Variants in HDAC9 observed in about 807,000 individuals in gnomAD.
The protein encoded by HDAC9 is histone deacetylase 9.
Under a neutral mutation model 139.4 loss-of-function variants are expected in HDAC9, and 41 were observed. The observed-to-expected ratio is 0.29, with a 90% confidence interval of 0.23 to 0.38. HDAC9 has a LOEUF of 0.38. HDAC9 is among the 10% of genes least tolerant of loss of function. The probability of loss-of-function intolerance (pLI) is 1.00; values close to 1 mark genes in which losing one functional copy is unlikely to be tolerated. For synonymous variants in HDAC9, 517 were observed against 476.2 expected, an observed-to-expected ratio of 1.09 and a Z score of -1.12; for missense variants, 1,147 against 1,297.0, an observed-to-expected ratio of 0.88 and a Z score of 1.78.
chr7:18,244,345 A>G (rs1311606002), intron 2 of HDAC9, among the ~76,000 whole-genome samples: 1 of 152,234 alleles, frequency 6.6e-6, no homozygotes, highest in Non-Finnish European at 1.5e-5. Flanking sequence ...CTAGAAAAGT[A>G]TTAAACTACT....
chr7:18,246,831 G>A (rs749014536), intron 2 of HDAC9, among the ~76,000 whole-genome samples: 4 of 152,152 alleles, frequency 2.6e-5, no homozygotes, highest in African/African-American at 9.7e-5. Flanking sequence ...GGTTATCAGT[G>A]TAATCCAGGT....
intron 2 of HDAC9, among the ~76,000 whole-genome samples, chr7:18,549,842 T>G (rs1340154457): frequency 1.3e-5 from 2 of 151,870 alleles, no homozygotes; most frequent in Non-Finnish European, 1.5e-5. Flanking sequence ...TTGAAGTAAA[T>G]TGGGAATGTA....
chr7:18,394,500 A>C (rs1423432203), intron 1 of HDAC9, among the ~76,000 whole-genome samples: 1 of 152,108 alleles, frequency 6.6e-6, no homozygotes, highest in African/African-American at 2.4e-5. Context: ...TCCCCTGTGG[A>C]GTTCTTAAAA....
chr7:18,598,294 C>G (rs1393345338), intron 6 of HDAC9, among the ~76,000 whole-genome samples: 2 of 152,152 alleles, frequency 1.3e-5, no homozygotes, highest in Non-Finnish European at 2.9e-5. Context: ...AACACTGGAG[C>G]ATTTTTATAT....
At chr7:18,409,037 C>T (rs1371399711) in intron 1 of HDAC9, among the ~76,000 whole-genome samples, 2 of 152,112 alleles carry the variant, frequency 1.3e-5, no homozygotes, top group South Asian at 2.1e-4. Context: ...TTCTGATATG[C>T]GTTTGTGTGC....
chr7:18,871,724 C>G (rs1027472256), intron 21 of HDAC9, among the ~76,000 whole-genome samples: 5 of 152,122 alleles, frequency 3.3e-5, no homozygotes, highest in African/African-American at 1.2e-4. Context: ...TTCAATCTTT[C>G]AGACACAATA....
rs1480700293 is a variant in HDAC9 at position 19,000,355 on chromosome 7, T to TCACA, written c.*4294_*4297dup. The TCACA allele has an allele frequency of 3.9e-5, 6 of 152,214 alleles. No homozygotes were observed. The highest frequency in any genetic ancestry group is 1.4e-4 in the African/African-American group (6 of 41,446). 9.4% of individuals were successfully genotyped at this position (152,214 alleles called of 1,614,324 possible). ...TTTCTGGGCATATTTGCATCAAAAATCACAGTCCTTGCCTCCTTGCTTGCT... is the reference window on the plus strand; with the variant it reads ...TTTCTGGGCATATTTGCATCAAAAATCACACACAGTCCTTGCCTCCTTGCTTGCT... On this transcript the variant is annotated 3_prime_UTR_variant, in exon 26 of 26. Coordinates refer to ENST00000686413, the MANE Select transcript of HDAC9 (RefSeq NM_178425.4).
intron 1 of HDAC9, among the ~76,000 whole-genome samples, chr7:18,292,907 A>C (rs1293747815): frequency 6.6e-6 from 1 of 152,292 alleles, no homozygotes; most frequent in South Asian, 2.1e-4. Context: ...AACTGCAAAA[A>C]TAGAACTGAA....
chr7:18,393,129 T>C (rs1385888024), intron 1 of HDAC9, among the ~76,000 whole-genome samples: 3 of 151,544 alleles, frequency 2.0e-5, no homozygotes, highest in Admixed American at 1.3e-4. Context: ...AAATGGATTT[T>C]TTTTTTTTAA....
chr7:18,399,576 A>G (rs1461601333), intron 1 of HDAC9, among the ~76,000 whole-genome samples: 4 of 152,210 alleles, frequency 2.6e-5, no homozygotes, highest in African/African-American at 7.2e-5. Context: ...AAGGCACATC[A>G]TAGCAACCAG....
chr7:18,421,340 A>C (rs936668446), intron 1 of HDAC9, among the ~76,000 whole-genome samples: 1 of 151,810 alleles, frequency 6.6e-6, no homozygotes, highest in African/African-American at 2.4e-5. Flanking sequence ...CATCTCTTAA[A>C]AACAGAAAAA....
chr7:18,380,018 G>C (rs1030632392), intron 1 of HDAC9, among the ~76,000 whole-genome samples: 1 of 152,048 alleles, frequency 6.6e-6, no homozygotes, highest in African/African-American at 2.4e-5. Context: ...ACACATTTTA[G>C]TTTTTCTCTA....
At chr7:18,551,222 T>A (rs1354277734) in intron 2 of HDAC9, among the ~76,000 whole-genome samples, 2 of 152,156 alleles carry the variant, frequency 1.3e-5, no homozygotes, top group Non-Finnish European at 2.9e-5. Context: ...TGAGGGGGAA[T>A]GTCAGGAGAT....
At chr7:18,824,087 G>GAAGAAGAAGAACAAC (rs1331001570) in intron 17 of HDAC9, among the ~76,000 whole-genome samples, 5 of 147,430 alleles carry the variant, frequency 3.4e-5, no homozygotes, top group African/African-American at 1.3e-4. Context: ...AGAAGAAGAA[G>GAAGAAGAAGAACAAC]AACAAGAACA....
intron 2 of HDAC9, among the ~76,000 whole-genome samples, chr7:18,178,208 C>T (rs986362109): frequency 9.2e-5 from 14 of 152,124 alleles, no homozygotes; most frequent in Non-Finnish European, 1.9e-4. Context: ...CTCAGCATCC[C>T]GAGTAGCTGG....
chr7:18,277,000 CAT>C (rs1796767229), intron 2 of HDAC9, among the ~76,000 whole-genome samples: 2 of 152,092 alleles, frequency 1.3e-5, no homozygotes, highest in South Asian at 2.1e-4. Flanking sequence ...AATCTTGAAA[CAT>C]ATAGTTTATT....
intron 24 of HDAC9, among the ~76,000 whole-genome samples, chr7:18,968,981 AAG>A (rs1289769931): frequency 1.3e-5 from 2 of 150,544 alleles, no homozygotes; most frequent in African/African-American, 4.9e-5. Flanking sequence ...AAAAAAAAAA[AAG>A]AATCACTTTA....
In HDAC9 at chr7:18,996,244, T is replaced by TAAAG. The variant is rs1392965623; in HGVS notation, c.*184_*187dup. The TAAAG allele has an allele frequency of 1.9e-6, 1 of 536,574 alleles. No homozygotes were observed. The highest frequency in any genetic ancestry group is 1.9e-5 in the African/African-American group (1 of 52,176). The allele number at this position is 536,574 out of a possible 1,614,324, so 33.2% of individuals were successfully genotyped here. Reference sequence around the variant, plus strand: ...TCTTTGGATGGACTTGAAAGGGCATTAAAGATTCCTTAAACGTAACCGCTG... The same window carrying TAAAG: ...TCTTTGGATGGACTTGAAAGGGCATTAAAGAAAGATTCCTTAAACGTAACCGCTG... On this transcript the variant is annotated 3_prime_UTR_variant, in exon 26 of 26. Transcript: ENST00000686413.
chr7:18,931,053 A>T (rs6651065), intron 22 of HDAC9, among the ~76,000 whole-genome samples: 6,596 of 152,200 alleles, frequency 0.043, 435 homozygotes, highest in African/African-American at 0.15. Context: ...TTGATTTATT[A>T]TATCTTTTAA....
Sources: allele counts gnomAD v4.1 joint callset (sites outside exome capture counted in the v4.1 genomes callset), GRCh38; gene constraint gnomAD v4.1.1; transcripts MANE v1.5; gene names NCBI Gene and HGNC (gene_info 2026-07-23, HGNC 2026-07-21).